Variants in CGRRF1 observed in about 807,000 individuals in gnomAD.
The protein encoded by CGRRF1 is cell growth regulator with RING finger domain protein 1.
A neutral mutation model predicts 37.2 loss-of-function variants in CGRRF1; 32 were observed. The ratio of observed to expected loss-of-function variants is 0.86; its 90% CI spans 0.65 to 1.16. The LOEUF (loss-of-function observed/expected upper bound fraction) is 1.16, where lower values mean the gene tolerates loss of function less well. Among genes scored for constraint, CGRRF1 ranks in the 50% most tolerant of loss-of-function variants. The probability of loss-of-function intolerance (pLI) is 0.00; values close to 1 mark genes in which losing one functional copy is unlikely to be tolerated. For synonymous variants in CGRRF1, 141 were observed against 140.3 expected (o/e 1.00, Z -0.04); for missense variants, 391 against 382.6 (o/e 1.02, Z -0.18).
intron 1 of CGRRF1, among the ~76,000 whole-genome samples, chr14:54,512,894 T>C (rs555003206): frequency 6.6e-6 from 1 of 152,368 alleles, no homozygotes; most frequent in East Asian, 1.9e-4. Context: ...TTATTCTCTT[T>C]TCTCTGTTCC....
In CGRRF1 at chr14:54,530,999, G is replaced by A. The variant is rs766331705; in HGVS notation, c.519G>A (p.Leu173=). The A allele has an allele frequency of 5.6e-6, 9 of 1,612,710 alleles. No individual in the cohort carries two copies. In the East Asian group the frequency reaches 2.0e-4, roughly 36 times the overall value. Reference sequence around the variant, plus strand: ...CAGTACCCAGATCTCGCTATCCATTGGTAGCGCTATTGACCTTAGCTGATG... The same window carrying A: ...CAGTACCCAGATCTCGCTATCCATTAGTAGCGCTATTGACCTTAGCTGATG... ...FGTVPRSRYP[L]VALLTLADED... Residue 173 remains leucine, a synonymous_variant, in exon 4 of 6, where the codon TTG becomes TTA. Coordinates refer to ENST00000216420, the MANE Select transcript of CGRRF1 (RefSeq NM_006568.3).
chr14:54,535,355 A>G (rs921001022), intron 4 of CGRRF1, among the ~76,000 whole-genome samples: 4 of 146,916 alleles, frequency 2.7e-5, no homozygotes, highest in African/African-American at 1.0e-4. Flanking sequence ...TTTGAAGGGT[A>G]TAGTCACACA....
intron 2 of CGRRF1, among the ~76,000 whole-genome samples, chr14:54,527,160 CAT>C (rs1221466307): frequency 2.6e-5 from 4 of 151,956 alleles, no homozygotes; most frequent in Admixed American, 6.6e-5. Context: ...AAAGTGATGT[CAT>C]GTGTGTACTG....
intron 1 of CGRRF1, among the ~76,000 whole-genome samples, chr14:54,520,452 T>G (rs1315592598): frequency 6.6e-6 from 1 of 152,202 alleles, no homozygotes; most frequent in Non-Finnish European, 1.5e-5. Flanking sequence ...AAATCTTAAG[T>G]GTACCATTTA....
rs536660823 is a variant in CGRRF1 at position 54,517,127 on chromosome 14, A to G, written c.105-5327A>G. Among the ~76,000 whole-genome samples, 6 of 152,232 alleles carry G rather than the reference A, an allele frequency of 3.9e-5. No individual in the cohort carries two copies. In the South Asian group the frequency reaches 6.2e-4, roughly 16 times the overall value. On this transcript the variant is annotated intron_variant, in intron 1 of 5. Transcript: ENST00000216420. ...CTTGTCTACTAATTCAAGTATCTGTATGATTTCTGGATCTATTTCTATAGA... is the reference window on the plus strand; with the variant it reads ...CTTGTCTACTAATTCAAGTATCTGTGTGATTTCTGGATCTATTTCTATAGA...
intron 4 of CGRRF1, 190 bp from the exon 5 acceptor site, chr14:54,537,532 C>A: frequency 2.0e-6 from 1 of 489,978 alleles, no homozygotes; most frequent in African/African-American, 2.0e-5. Context: ...TAACTGATTC[C>A]TCTGCAGTGA....
At chr14:54,528,670 A>G (rs2032457512) in intron 2 of CGRRF1, among the ~76,000 whole-genome samples, 3 of 152,180 alleles carry the variant, frequency 2.0e-5, no homozygotes, top group Non-Finnish European at 2.9e-5. Context: ...GTGTATGTAT[A>G]AATAAAATGT....
Position 54,539,054 on chromosome 14 carries a change from A to G in CGRRF1, c.*671A>G, listed in dbSNP as rs754070056. 3 of 152,204 alleles carry G rather than the reference A, an allele frequency of 2.0e-5. No homozygotes were observed. Among genetic ancestry groups the G allele is most frequent in the African/African-American group, 4.8e-5 (2 of 41,452 alleles). The allele number at this position is 152,204 out of a possible 1,614,324, so 9.4% of individuals were successfully genotyped here. On this transcript the variant is annotated 3_prime_UTR_variant, in exon 6 of 6. Coordinates refer to ENST00000216420, the MANE Select transcript of CGRRF1 (RefSeq NM_006568.3). ...TTCGGATAATAAGATTTTTTGGATA[A>G]TTAAATTTATTAAATTGATAGTCAA...
chr14:54,537,588 T>G lies in CGRRF1; in HGVS notation c.571-134T>G, dbSNP rs2140068812. 4 of 956,074 alleles carry G rather than the reference T, an allele frequency of 4.2e-6. No homozygotes were observed. The South Asian group carries it at 1.2e-4, about 28-fold the overall frequency. 59.2% of individuals were successfully genotyped at this position (956,074 alleles called of 1,614,324 possible). A position where few individuals can be genotyped will look rare whatever the true frequency, so the allele number is the denominator to read the frequency against. On this transcript the variant is annotated intron_variant, in intron 4 of 5. Coordinates refer to ENST00000216420, the MANE Select transcript of CGRRF1 (RefSeq NM_006568.3). The stretch of plus-strand genomic sequence containing the variant: ...CGTAAATTTTCTAATTTATCAGCCT[T>G]TTATTTTTGAGAAGCATTTTTCTTT...
At chr14:54,530,603 T>C (rs1322558028) in intron 3 of CGRRF1, 2 of 871,462 alleles carry the variant, frequency 2.3e-6, no homozygotes, top group East Asian at 2.6e-5. Flanking sequence ...TCATCTGATA[T>C]ACCCATTAGC....
chr14:54,524,890 A>G (rs956718698), intron 2 of CGRRF1, among the ~76,000 whole-genome samples: 1 of 152,116 alleles, frequency 6.6e-6, no homozygotes, highest in Non-Finnish European at 1.5e-5. Flanking sequence ...TTTAAAAGAT[A>G]GTAGGTTGTG....
chr14:54,510,755 G>C (rs772943122), intron 1 of CGRRF1, among the ~76,000 whole-genome samples: 1 of 152,210 alleles, frequency 6.6e-6, no homozygotes, highest in Non-Finnish European at 1.5e-5. Flanking sequence ...TTCTAGCCTA[G>C]AGGTTCAATT....
At chr14:54,534,104 T>G (rs2032563455) in intron 4 of CGRRF1, among the ~76,000 whole-genome samples, 1 of 152,192 alleles carries the variant, frequency 6.6e-6, no homozygotes. Context: ...ACTTTTAATA[T>G]TAAATCAAAT....
At chr14:54,530,768 C>A (rs184565279) in intron 3 of CGRRF1, 135 bp from the exon 4 acceptor site, 41 of 902,872 alleles carry the variant, frequency 4.5e-5, no homozygotes, top group Non-Finnish European at 6.8e-5. Context: ...GTATTTGTAT[C>A]CTTTTATCTG....
rs540614841 is a variant in CGRRF1 at position 54,522,399 on chromosome 14, A to G, written c.105-55A>G. 7.0e-5 allele frequency: 89 copies of G among 1,269,594 alleles called. 1 individual carries two copies. In the South Asian group the frequency reaches 1.2e-3, roughly 17 times the overall value. 78.6% of individuals were successfully genotyped at this position (1,269,594 alleles called of 1,614,324 possible). On this transcript the variant is annotated intron_variant, in intron 1 of 5. Coordinates refer to ENST00000216420, the MANE Select transcript of CGRRF1 (RefSeq NM_006568.3). Reference sequence around the variant, plus strand: ...ATGAAGCACAACAGATTTTACACATAACATAAAGTTTCAACATTTGTTAAA... The same window carrying G: ...ATGAAGCACAACAGATTTTACACATGACATAAAGTTTCAACATTTGTTAAA...
intron 4 of CGRRF1, chr14:54,536,012 A>G (rs1172318228): frequency 6.6e-6 from 1 of 152,246 alleles, no homozygotes; most frequent in Non-Finnish European, 1.5e-5. Context: ...CAAAAGTCAG[A>G]AAACCATATA....
rs2032634434 is a variant in CGRRF1 at position 54,538,315 on chromosome 14, T to A, written c.931T>A (p.Phe311Ile). Reference protein sequence around the residue: ...YFQQCPMCRQFVQESFALCSQ... With the variant: ...YFQQCPMCRQIVQESFALCSQ... ...TCAGCAGTGCCCAATGTGCAGGCAG[T>A]TTGTTCAGGAATCTTTTGCACTTTG... The change falls in exon 6 of 6, where the codon TTT becomes ATT. Residue 311 changes from phenylalanine (F) to isoleucine (I), a missense_variant. Phe to Ile is a conservative substitution (Grantham distance 21). Coordinates refer to ENST00000216420, the MANE Select transcript of CGRRF1 (RefSeq NM_006568.3). The A allele has an allele frequency of 6.2e-7, 1 of 1,614,032 alleles. No individual in the cohort carries two copies. Among genetic ancestry groups the A allele is most frequent in the Non-Finnish European group, 8.5e-7 (1 of 1,179,936 alleles).
At position 54,527,673 on chromosome 14, in the gene CGRRF1, T is replaced by C. The variant is rs111283275; in HGVS notation, c.245-2376T>C. On this transcript the variant is annotated intron_variant, in intron 2 of 5. Coordinates refer to ENST00000216420, the MANE Select transcript of CGRRF1 (RefSeq NM_006568.3). ...TTGGGGCTCTGGCTTTTTTTTTCTT[T>C]TTACAAAGCAAATAAACAGGGTAGT... Among the ~76,000 whole-genome samples, 277 of 152,238 alleles carry C rather than the reference T, an allele frequency of 1.8e-3. 1 individual carries two copies. The highest frequency in any genetic ancestry group is 6.5e-3 in the African/African-American group (269 of 41,546).
In CGRRF1 at chr14:54,531,042, T is replaced by C. The variant is rs371228131; in HGVS notation, c.562T>C (p.Tyr188His). Residue 188 changes from tyrosine to histidine, a missense_variant, in exon 4 of 6, where the codon TAT (tyrosine) becomes CAT (histidine). By Grantham distance (83) the Tyr-to-His change is moderately conservative. Coordinates refer to ENST00000216420, the MANE Select transcript of CGRRF1 (RefSeq NM_006568.3). ...AGCTGATGAGGATGACCGGGAAATT[T>C]ATGATATTGTAAGTAATTGAAAATT... The part of the protein sequence containing the change: ...TLADEDDREI[Y>H]DIISMVSVIH... 7.4e-5 allele frequency: 119 copies of C among 1,607,466 alleles called. No individual in the cohort carries two copies. The South Asian group carries it at 9.6e-4, about 13-fold the overall frequency.
Sources: allele counts gnomAD v4.1 joint callset (sites outside exome capture counted in the v4.1 genomes callset), GRCh38; gene constraint gnomAD v4.1.1; transcripts MANE v1.5; gene names NCBI Gene and HGNC (gene_info 2026-07-23, HGNC 2026-07-21).